Variants in KDM5A observed in about 807,000 individuals in gnomAD.
The protein encoded by KDM5A is lysine-specific demethylase 5A.
A neutral mutation model predicts 193.5 loss-of-function variants in KDM5A; 42 were observed. That is an observed-to-expected ratio of 0.22 (90% CI 0.17 to 0.28). KDM5A has a LOEUF of 0.28. Among genes scored for constraint, KDM5A ranks in the 10% least tolerant of loss-of-function variants. The pLI, the probability that KDM5A is intolerant of heterozygous loss-of-function variation, is 1.00. For missense variants in KDM5A, 1,692 were observed against 2,055.1 expected, an observed-to-expected ratio of 0.82 and a Z score of 3.42; for synonymous variants, 796 against 718.1, an observed-to-expected ratio of 1.11 and a Z score of -1.73.
At position 309,968 on chromosome 12, in the gene KDM5A, C is replaced by T; in HGVS notation, c.3217-4G>A. 6.2e-7 allele frequency: 1 copy of T among 1,611,456 alleles called. No individual in the cohort carries two copies. Among genetic ancestry groups the T allele is most frequent in the Non-Finnish European group, 8.5e-7 (1 of 1,179,394 alleles). Reference sequence around the variant, plus strand: ...TGTCGGTCCGGGGGCTCAGCACCTACAAAAATAAAACCACCATTATAAACT... The same window carrying T: ...TGTCGGTCCGGGGGCTCAGCACCTATAAAAATAAAACCACCATTATAAACT... On this transcript the variant is annotated splice_region_variant and splice_polypyrimidine_tract_variant and intron_variant, in intron 21 of 27. Coordinates refer to ENST00000399788, the MANE Select transcript of KDM5A (RefSeq NM_001042603.3).
chr12:306,560 T>G (rs970360782), intron 24 of KDM5A, among the ~76,000 whole-genome samples: 2 of 151,992 alleles, frequency 1.3e-5, no homozygotes, highest in African/African-American at 4.8e-5. Flanking sequence ...CTGGCCAACA[T>G]GACGAAACCC....
intron 21 of KDM5A, among the ~76,000 whole-genome samples, chr12:310,291 G>A (rs930862459): frequency 2.6e-5 from 4 of 152,222 alleles, no homozygotes; most frequent in African/African-American, 9.6e-5. Context: ...TGCTCAAGAT[G>A]AAAGGGATGA....
chr12:338,602 ATGG>A (rs1943962203), intron 10 of KDM5A, among the ~76,000 whole-genome samples: 1 of 152,208 alleles, frequency 6.6e-6, no homozygotes, highest in Non-Finnish European at 1.5e-5. Context: ...GAACCTGGGA[ATGG>A]TCTTGGAGAC....
chr12:349,901 A>T (rs1254312817), intron 10 of KDM5A, among the ~76,000 whole-genome samples: 2 of 151,588 alleles, frequency 1.3e-5, no homozygotes, highest in African/African-American at 2.4e-5. Flanking sequence ...AGGCCGAGAC[A>T]GGGGATCACC....
chr12:323,877 G>T, intron 14 of KDM5A, 96 bp from the exon 15 acceptor site: 1 of 933,260 alleles, frequency 1.1e-6, no homozygotes, highest in South Asian at 1.3e-5. Context: ...ACAAATCTCT[G>T]ACTTAAAGGT....
intron 24 of KDM5A, among the ~76,000 whole-genome samples, chr12:306,310 CTT>C (rs567508438): frequency 6.6e-6 from 1 of 152,002 alleles, no homozygotes; most frequent in Non-Finnish European, 1.5e-5. Flanking sequence ...TGTATACAGA[CTT>C]TCACAACTCA....
chr12:388,203 C>T (rs1263271559), intron 1 of KDM5A: 1 of 442,498 alleles, frequency 2.3e-6, no homozygotes, highest in Non-Finnish European at 4.5e-6. Flanking sequence ...TAATCCCCTC[C>T]ACACAAGGGA....
At chr12:369,490 G>A (rs1050140499) in intron 3 of KDM5A, among the ~76,000 whole-genome samples, 1 of 152,104 alleles carries the variant, frequency 6.6e-6, no homozygotes, top group African/African-American at 2.4e-5. Context: ...AAATTTTGAA[G>A]GGATAAATAT....
intron 20 of KDM5A, among the ~76,000 whole-genome samples, chr12:312,363 T>C (rs1322862246): frequency 6.6e-6 from 1 of 152,194 alleles, no homozygotes; most frequent in Non-Finnish European, 1.5e-5. Context: ...TCTAGAATAG[T>C]AGCAAGAGTA....
At position 334,386 on chromosome 12, in the gene KDM5A, G is replaced by A. The variant is rs760194850; in HGVS notation, c.1345C>T (p.Pro449Ser). 1.2e-6 allele frequency: 2 copies of A among 1,613,768 alleles called. No homozygotes were observed. The highest frequency in any genetic ancestry group is 2.2e-5 in the East Asian group (1 of 44,886). The change falls in exon 11 of 28, where the codon CCT becomes TCT. Residue 449 changes from proline to serine, a missense_variant. Coordinates refer to ENST00000399788, the MANE Select transcript of KDM5A (RefSeq NM_001042603.3). Reference sequence around the variant, plus strand: ...GCAAGAACAGACTGTTCCAGGACAGGCATGTTATTCAAATTCCAACCAGAA... The same window carrying A: ...GCAAGAACAGACTGTTCCAGGACAGACATGTTATTCAAATTCCAACCAGAA... ...ALSGWNLNNM[P>S]VLEQSVLAHI...
At chr12:369,790 T>C (rs557139146) in intron 3 of KDM5A, among the ~76,000 whole-genome samples, 1 of 152,316 alleles carries the variant, frequency 6.6e-6, no homozygotes, top group South Asian at 2.1e-4. Flanking sequence ...AGCCCTCTTA[T>C]CTTTACTATC....
At chr12:322,711 C>T in intron 16 of KDM5A, 144 bp from the exon 17 acceptor site, 1 of 720,276 alleles carries the variant, frequency 1.4e-6, no homozygotes, top group Non-Finnish European at 2.3e-6. Flanking sequence ...CTGTGAAAAT[C>T]TCACCAACAC....
At chr12:302,792 A>T (rs1044700103) in intron 24 of KDM5A, among the ~76,000 whole-genome samples, 1 of 152,264 alleles carries the variant, frequency 6.6e-6, no homozygotes, top group African/African-American at 2.4e-5. Context: ...GCTAATATCC[A>T]GAATCTACAA....
intron 12 of KDM5A, among the ~76,000 whole-genome samples, chr12:332,875 A>G (rs1943881694): frequency 6.6e-6 from 1 of 152,204 alleles, no homozygotes; most frequent in Admixed American, 6.5e-5. Flanking sequence ...GGTTAAATAG[A>G]GATAACAAAG....
chr12:385,070 C>G (rs916406990), intron 2 of KDM5A, among the ~76,000 whole-genome samples: 2 of 151,770 alleles, frequency 1.3e-5, no homozygotes, highest in African/African-American at 4.8e-5. Flanking sequence ...GTAATCCCAG[C>G]CACTAGGGAG....
chr12:289,907 C>CTTTTTTTTTTTTTTTT lies in KDM5A; in HGVS notation c.4866+2836_4866+2851dup, dbSNP rs750918968. Among the ~76,000 whole-genome samples, 179 of 99,606 alleles carry CTTTTTTTTTTTTTTTT rather than the reference C, an allele frequency of 1.8e-3. 5 individuals carry two copies. The highest frequency in any genetic ancestry group is 5.3e-3 in the East Asian group (12 of 2,246). The allele number at this position is 99,606 out of a possible 152,430, so 65.3% of individuals were successfully genotyped here. ...AAAAAGCATGATTTTTTCTTTCTTT[C>CTTTTTTTTTTTTTTTT]TTTTTTTTTTTTTTTTTTTTTTTAC... On this transcript the variant is annotated intron_variant, in intron 27 of 27. Coordinates refer to ENST00000399788, the MANE Select transcript of KDM5A (RefSeq NM_001042603.3).
In KDM5A at chr12:307,131, A is replaced by C. The variant is rs765164828; in HGVS notation, c.3931-42T>G. ...TCCAAGATGAACAGCAAGACATGCT[A>C]AACAGACAGGGTAATTAATGTGTGC... On this transcript the variant is annotated intron_variant, in intron 23 of 27. Transcript: ENST00000399788. This position sits in a 1 kb window ranked among gnomAD's most constrained non-coding sequence, Gnocchi z 4.3. 1 of 1,611,948 alleles carries C rather than the reference A, an allele frequency of 6.2e-7. No homozygotes were observed. The highest frequency in any genetic ancestry group is 1.3e-5 in the African/African-American group (1 of 74,880).
At chr12:356,875 G>A (rs1944234833) in intron 5 of KDM5A, among the ~76,000 whole-genome samples, 1 of 152,204 alleles carries the variant, frequency 6.6e-6, no homozygotes, top group Admixed American at 6.5e-5. Flanking sequence ...GGGCATCTCA[G>A]GACATGAACT....
rs1205511665 is a variant in KDM5A at position 280,838 on chromosome 12, A to G, written c.*4618T>C. On this transcript the variant is annotated 3_prime_UTR_variant, in exon 28 of 28. Coordinates refer to ENST00000399788, the MANE Select transcript of KDM5A (RefSeq NM_001042603.3). ...TCTTCAGGAATCACTTCACACTCCA[A>G]AAACACTATTCTCAGCAATGATAAT... 8.6e-6 allele frequency: 2 copies of G among 232,868 alleles called. No individual in the cohort carries two copies. Among genetic ancestry groups the G allele is most frequent in the Non-Finnish European group, 1.7e-5 (2 of 117,848 alleles). 14.4% of individuals were successfully genotyped at this position (232,868 alleles called of 1,614,324 possible).
Sources: gnomAD v4.1 joint callset for allele counts (sites outside exome capture counted in the v4.1 genomes callset) on GRCh38, gnomAD v4.1.1 for gene constraint, Gnocchi (gnomAD v3.1) non-coding constraint, MANE v1.5 for transcripts, NCBI Gene and HGNC (gene_info 2026-07-23, HGNC 2026-07-21) for gene names.